Variants in SPEN observed in about 807,000 individuals in gnomAD.
SPEN encodes msx2-interacting protein.
In SPEN, 18 loss-of-function variants were observed where a neutral mutation model predicts 269.9. That is an observed-to-expected ratio of 0.07 (90% CI 0.05 to 0.10). The LOEUF is 0.10. Ranked by LOEUF, SPEN falls within the 10% of genes least tolerant of loss-of-function variation. The probability of loss-of-function intolerance (pLI) is 1.00; values close to 1 mark genes in which losing one functional copy is unlikely to be tolerated. For synonymous variants in SPEN, 1,726 were observed against 1,765.7 expected (o/e 0.98, Z 0.56); for missense variants, 3,822 against 4,631.2 (o/e 0.83, Z 5.07).
intron 1 of SPEN, among the ~76,000 whole-genome samples, chr1:15,868,996 A>G (rs1459922392): frequency 6.6e-6 from 1 of 152,216 alleles, no homozygotes; most frequent in Non-Finnish European, 1.5e-5. Context: ...TGAATGGAGT[A>G]GTCTTAATAT....
rs910179277 is a variant in SPEN at position 15,876,396 on chromosome 1, G to A, written c.599G>A (p.Arg200Gln). 6 of 1,613,954 alleles carry A rather than the reference G, an allele frequency of 3.7e-6. No homozygotes were observed. Among genetic ancestry groups the A allele is most frequent in the Non-Finnish European group, 5.1e-6 (6 of 1,180,024 alleles). The change falls in exon 3 of 15, where the codon CGA (arginine) becomes CAA (glutamine). Residue 200 changes from arginine to glutamine, a missense_variant. Physicochemically the swap from Arg to Gln is conservative, Grantham distance 43. Transcript: ENST00000375759. ...SPNRFDAHDP[R>Q]YEPRAREQFT... ...AATCGCTTTGATGCTCATGACCCCC[G>A]ATATGAACCTAGGGCTCGCGAGCAG...
Position 15,932,972 on chromosome 1 carries a change from G to A in SPEN, c.6732G>A (p.Gln2244=). ...CTCCACCTTATCCTGGAGAATCCCAGACAGATCTGCAACCCCCCGCAGGTG... is the reference window on the plus strand; with the variant it reads ...CTCCACCTTATCCTGGAGAATCCCAAACAGATCTGCAACCCCCCGCAGGTG... The part of the protein sequence containing the change: ...PAPPPYPGES[Q]TDLQPPAGAQ... Residue 2244 remains glutamine, a synonymous_variant, in exon 11 of 15, where the codon CAG becomes CAA. Coordinates refer to ENST00000375759, the MANE Select transcript of SPEN (RefSeq NM_015001.3). This position sits in a 1 kb window ranked among gnomAD's most constrained non-coding sequence, Gnocchi z 4.2. 2 of 1,614,180 alleles carry A rather than the reference G, an allele frequency of 1.2e-6. No homozygotes were observed. Among genetic ancestry groups the A allele is most frequent in the Non-Finnish European group, 1.7e-6 (2 of 1,180,024 alleles).
At chr1:15,912,427 T>G (rs2071020524) in intron 5 of SPEN, among the ~76,000 whole-genome samples, 1 of 152,148 alleles carries the variant, frequency 6.6e-6, no homozygotes, top group South Asian at 2.1e-4. Flanking sequence ...CTTTAAGACT[T>G]TAAGTGGAAT....
Position 15,928,840 on chromosome 1 carries a change from T to C in SPEN, c.2600T>C (p.Ile867Thr). The C allele has an allele frequency of 1.9e-6, 3 of 1,613,998 alleles. No homozygotes were observed. The South Asian group carries it at 3.3e-5, about 18-fold the overall frequency. ...LSREKADKEG[I>T]AKNRLELMPC... is the part of the protein sequence containing the mutation. Reference sequence around the variant, plus strand: ...AGAGAGAAAGCTGACAAAGAGGGAATAGCGAAAAACCGCCTGGAACTCATG... The same window carrying C: ...AGAGAGAAAGCTGACAAAGAGGGAACAGCGAAAAACCGCCTGGAACTCATG... The change falls in exon 11 of 15, where the codon ATA becomes ACA. Residue 867 changes from isoleucine to threonine, a missense_variant. By Grantham distance (89) the Ile-to-Thr change is moderately conservative. This residue lies in a region of SPEN where 572 missense variants were observed against 582.6 expected (regional missense o/e 0.98). Transcript: ENST00000375759. This position sits in a 1 kb window ranked among gnomAD's most constrained non-coding sequence, Gnocchi z 5.7.
chr1:15,923,610 C>A (rs1362066470), intron 10 of SPEN, among the ~76,000 whole-genome samples: 2 of 151,828 alleles, frequency 1.3e-5, no homozygotes, highest in African/African-American at 4.8e-5. Context: ...TAAATGATAG[C>A]AAGTATTAAT....
At position 15,936,155 on chromosome 1, in the gene SPEN, G is replaced by A; in HGVS notation, c.9915G>A (p.Glu3305=). 1.9e-6 allele frequency: 3 copies of A among 1,610,578 alleles called. No homozygotes were observed. The highest frequency in any genetic ancestry group is 1.7e-6 in the Non-Finnish European group (2 of 1,177,438). Residue 3305 remains glutamate (E), a synonymous_variant, in exon 11 of 15, where the codon GAG becomes GAA. Transcript: ENST00000375759. ...IVHSSGELFQ[E]YRYGDIRTYH... Reference sequence around the variant, plus strand: ...ACTCCAGCGGGGAGCTGTTTCAAGAGTACCGGTACGGCGACATCCGCACCT... The same window carrying A: ...ACTCCAGCGGGGAGCTGTTTCAAGAATACCGGTACGGCGACATCCGCACCT...
intron 1 of SPEN, among the ~76,000 whole-genome samples, chr1:15,863,463 T>G (rs116011545): frequency 1.5e-4 from 23 of 152,212 alleles, no homozygotes; most frequent in African/African-American, 5.5e-4. Context: ...GGGTATAGTT[T>G]TATTGGTTGA....
intron 1 of SPEN, among the ~76,000 whole-genome samples, chr1:15,851,379 A>G (rs566900600): frequency 2.6e-5 from 4 of 152,194 alleles, no homozygotes; most frequent in African/African-American, 7.2e-5. Flanking sequence ...ATCGGGTTTT[A>G]GTTAACAAAG....
intron 3 of SPEN, among the ~76,000 whole-genome samples, chr1:15,889,967 G>A (rs547312488): frequency 6.8e-4 from 102 of 150,276 alleles, no homozygotes; most frequent in Non-Finnish European, 1.1e-3. Flanking sequence ...CACCCGCCTC[G>A]GCCTCCCAAA....
In SPEN at chr1:15,933,678, C is replaced by G; in HGVS notation, c.7438C>G (p.Leu2480Val). The G allele has an allele frequency of 6.2e-7, 1 of 1,614,144 alleles. No homozygotes were observed. Among genetic ancestry groups the G allele is most frequent in the Non-Finnish European group, 8.5e-7 (1 of 1,180,016 alleles). Reference sequence around the variant, plus strand: ...ACTGCCTTCTGTAACTGCAGCAAAGCTCTCACCTCCTGTCGCCTCTGGGGG... The same window carrying G: ...ACTGCCTTCTGTAACTGCAGCAAAGGTCTCACCTCCTGTCGCCTCTGGGGG... ...PTLPSVTAAKLSPPVASGGIP... is the reference protein window; with the variant it reads ...PTLPSVTAAKVSPPVASGGIP... Residue 2480 changes from leucine to valine, a missense_variant, in exon 11 of 15, where the codon CTC becomes GTC. Leu to Val is a conservative substitution (Grantham distance 32). This residue lies in a region of SPEN where 727 missense variants were observed against 737.9 expected (regional missense o/e 0.99). Transcript: ENST00000375759. The surrounding 1 kb of genome is among the most constrained non-coding windows in gnomAD (Gnocchi z 5.7).
intron 3 of SPEN, among the ~76,000 whole-genome samples, chr1:15,894,008 G>C (rs2070814715): frequency 6.6e-6 from 1 of 152,184 alleles, no homozygotes; most frequent in South Asian, 2.1e-4. Flanking sequence ...CTGCACTCCA[G>C]CCTGGGCGAC....
rs577325205 is a variant in SPEN at position 15,932,461 on chromosome 1, A to C, written c.6221A>C (p.Lys2074Thr). The C allele has an allele frequency of 1.9e-6, 3 of 1,611,952 alleles. No homozygotes were observed. The East Asian group carries it at 6.7e-5, about 36-fold the overall frequency. The change falls in exon 11 of 15, where the codon AAA (lysine) becomes ACA (threonine). Residue 2074 changes from lysine to threonine, a missense_variant. This residue lies in a region of SPEN where 727 missense variants were observed against 737.9 expected (regional missense o/e 0.99). Coordinates refer to ENST00000375759, the MANE Select transcript of SPEN (RefSeq NM_015001.3). The surrounding 1 kb of genome is among the most constrained non-coding windows in gnomAD (Gnocchi z 4.2). ...EKKPAPEKNS[K>T]SKRGRSRNSR... ...AAACCGGCCCCTGAAAAAAACTCCA[A>C]ATCAAAGAGAGGAAGATCTCGAAAC...
intron 1 of SPEN, among the ~76,000 whole-genome samples, chr1:15,870,015 G>A (rs1001378058): frequency 1.3e-5 from 2 of 151,850 alleles, no homozygotes; most frequent in Non-Finnish European, 2.9e-5. Flanking sequence ...ATTACAGGCG[G>A]GCACCACCAT....
At position 15,930,192 on chromosome 1, in the gene SPEN, G is replaced by A; in HGVS notation, c.3952G>A (p.Glu1318Lys). Residue 1318 changes from glutamate to lysine, a missense_variant, in exon 11 of 15, where the codon GAA becomes AAA. Physicochemically the swap from Glu to Lys is moderately conservative, Grantham distance 56. Transcript: ENST00000375759. This position sits in a 1 kb window ranked among gnomAD's most constrained non-coding sequence, Gnocchi z 5.3. ...KFNPYDSSRREQMADMAKIKL... is the reference protein window; with the variant it reads ...KFNPYDSSRRKQMADMAKIKL... ...TAATCCTTATGATTCTAGCAGGAGA[G>A]AACAGATGGCAGATATGGCCAAAAT... is the stretch of plus-strand genomic sequence containing the variant. 6.2e-7 allele frequency: 1 copy of A among 1,614,154 alleles called. No homozygotes were observed. Among genetic ancestry groups the A allele is most frequent in the Admixed American group, 1.7e-5 (1 of 60,024 alleles).
intron 3 of SPEN, among the ~76,000 whole-genome samples, chr1:15,902,207 G>A (rs1387391249): frequency 1.3e-5 from 2 of 152,140 alleles, no homozygotes; most frequent in African/African-American, 4.8e-5. Flanking sequence ...GGGATTACAG[G>A]CGTGAGCCAC....
At chr1:15,895,431 G>A (rs1250455662) in intron 3 of SPEN, among the ~76,000 whole-genome samples, 1 of 152,058 alleles carries the variant, frequency 6.6e-6, no homozygotes, top group Non-Finnish European at 1.5e-5. Flanking sequence ...TTGTCCTTTT[G>A]TGTCTGGCTT....
intron 1 of SPEN, among the ~76,000 whole-genome samples, chr1:15,860,380 TG>T (rs1429455015): frequency 1.1e-5 from 1 of 94,040 alleles, no homozygotes; most frequent in Non-Finnish European, 2.0e-5. Flanking sequence ...GCTTCAGAGG[TG>T]TGTGTGTGTG....
chr1:15,898,173 TTGTGTGTGTGTGTGTGTGTGTGTG>T (rs58297957), intron 3 of SPEN, among the ~76,000 whole-genome samples: 1 of 147,388 alleles, frequency 6.8e-6, no homozygotes, highest in Admixed American at 6.8e-5. Context: ...TAATTTATCT[TTGTGTGTGTGTGTGTGTGTGTGTG>T]TGTGTGTGTG....
intron 3 of SPEN, among the ~76,000 whole-genome samples, chr1:15,887,957 G>T (rs1361740541): frequency 6.6e-6 from 1 of 151,500 alleles, no homozygotes; most frequent in African/African-American, 2.4e-5. Flanking sequence ...GAGCCCTGGA[G>T]GCAGAGGTTG....
Sources: gnomAD v4.1 joint callset for allele counts (sites outside exome capture counted in the v4.1 genomes callset) on GRCh38, gnomAD v4.1.1 for gene constraint, gnomAD v4.1.1 regional missense constraint, Gnocchi (gnomAD v3.1) non-coding constraint, MANE v1.5 for transcripts, NCBI Gene and HGNC (gene_info 2026-07-23, HGNC 2026-07-21) for gene names.